PCGF5: variants seen among roughly 807,000 people sequenced by gnomAD.
PCGF5 encodes polycomb group RING finger protein 5.
In PCGF5, 9 loss-of-function variants were observed where a neutral mutation model predicts 44.3. The observed-to-expected ratio is 0.20, with a 90% CI of 0.12 to 0.35. The LOEUF (loss-of-function observed/expected upper bound fraction) is 0.35, where lower values mean the gene tolerates loss of function less well. Among genes scored for constraint, PCGF5 ranks in the 10% least tolerant of loss-of-function variants. The pLI is 1.00. For synonymous variants in PCGF5, 95 were observed against 102.5 expected, an observed-to-expected ratio of 0.93 and a Z score of 0.44; for missense variants, 146 against 305.3, an observed-to-expected ratio of 0.48 and a Z score of 3.89.
intron 1 of PCGF5, among the ~76,000 whole-genome samples, chr10:91,207,851 AT>A (rs1194699004): frequency 6.6e-6 from 1 of 152,210 alleles, no homozygotes; most frequent in African/African-American, 2.4e-5. Context: ...GTGATAATGT[AT>A]CCTCCTAAGA....
Position 91,284,266 on chromosome 10 carries a change from T to C in PCGF5, c.*5950T>C, listed in dbSNP as rs190667449. 5.8e-4 allele frequency: 88 copies of C among 152,712 alleles called. No individual in the cohort carries two copies. The highest frequency in any genetic ancestry group is 2.0e-3 in the African/African-American group (82 of 41,568). 9.5% of individuals were successfully genotyped at this position (152,712 alleles called of 1,614,324 possible). The stretch of plus-strand genomic sequence containing the variant: ...TTAAAAATTAAATTGCATAATTTAT[T>C]ATTGTTTGTCATCTTTAATATTAGT... On this transcript the variant is annotated 3_prime_UTR_variant, in exon 10 of 10. Coordinates refer to ENST00000336126, the MANE Select transcript of PCGF5 (RefSeq NM_032373.5).
upstream of PCGF5, among the ~76,000 whole-genome samples, chr10:91,219,096 A>C (rs138751698): frequency 3.6e-3 from 555 of 152,342 alleles, 2 homozygotes; most frequent in African/African-American, 0.012. Context: ...CTCTCCAGAC[A>C]CAAAGCACAG....
chr10:91,232,052 T>G (rs1281650228), intron 2 of PCGF5, among the ~76,000 whole-genome samples: 1 of 152,196 alleles, frequency 6.6e-6, no homozygotes, highest in Non-Finnish European at 1.5e-5. Context: ...GACCAAGGAC[T>G]GAGCCCTGAG....
intron 1 of PCGF5, among the ~76,000 whole-genome samples, chr10:91,196,702 G>A (rs944260288): frequency 6.6e-6 from 1 of 152,028 alleles, no homozygotes; most frequent in Non-Finnish European, 1.5e-5. Flanking sequence ...ATTTCTTGTT[G>A]GTCCCCCTCA....
chr10:91,269,711 A>G (rs926578490), intron 8 of PCGF5, among the ~76,000 whole-genome samples: 4 of 152,188 alleles, frequency 2.6e-5, no homozygotes, highest in African/African-American at 7.2e-5. Flanking sequence ...GAAATTTATA[A>G]TCATACCAAT....
chr10:91,209,076 A>G (rs532433184), intron 1 of PCGF5, among the ~76,000 whole-genome samples: 1 of 152,310 alleles, frequency 6.6e-6, no homozygotes, highest in African/African-American at 2.4e-5. Flanking sequence ...TTACTGTTAC[A>G]TTCAATTCAT....
At chr10:91,179,760 T>G (rs1362519951) in intron 1 of PCGF5, among the ~76,000 whole-genome samples, 1 of 152,220 alleles carries the variant, frequency 6.6e-6, no homozygotes, top group East Asian at 1.9e-4. Flanking sequence ...TGATGGGCAT[T>G]TAGTTTGATT....
chr10:91,279,974 TGA>T lies in PCGF5; in HGVS notation c.*1660_*1661del. Reference sequence around the variant, plus strand: ...ATTATCTGTTCCTTCTATCTTTTTTTGAGTCAAAAAGTCTATTAAATTTTTCT... The same window carrying T: ...ATTATCTGTTCCTTCTATCTTTTTTTGTCAAAAAGTCTATTAAATTTTTCT... On this transcript the variant is annotated 3_prime_UTR_variant, in exon 10 of 10. Coordinates refer to ENST00000336126, the MANE Select transcript of PCGF5 (RefSeq NM_032373.5). 6.6e-6 allele frequency: 1 copy of T among 152,078 alleles called. No individual in the cohort carries two copies. 9.4% of individuals were successfully genotyped at this position (152,078 alleles called of 1,614,324 possible).
chr10:91,255,602 C>T (rs1026032617), intron 6 of PCGF5, among the ~76,000 whole-genome samples: 4 of 152,084 alleles, frequency 2.6e-5, no homozygotes, highest in Non-Finnish European at 4.4e-5. Flanking sequence ...TATTAGCTGA[C>T]CTCTAGGCAG....
chr10:91,171,520 A>G (rs141865792), intron 1 of PCGF5, among the ~76,000 whole-genome samples: 1 of 152,306 alleles, frequency 6.6e-6, no homozygotes, highest in East Asian at 1.9e-4. Flanking sequence ...AGCAATGCTC[A>G]GAAAATTGGA....
At chr10:91,186,487 T>C (rs1589357894) in intron 1 of PCGF5, among the ~76,000 whole-genome samples, 1 of 152,168 alleles carries the variant, frequency 6.6e-6, no homozygotes, top group Non-Finnish European at 1.5e-5. Context: ...ATTGTGTAGA[T>C]GAAATAAATA....
At chr10:91,269,204 T>A (rs1846118516) in intron 8 of PCGF5, among the ~76,000 whole-genome samples, 1 of 152,232 alleles carries the variant, frequency 6.6e-6, no homozygotes, top group African/African-American at 2.4e-5. Context: ...CTGTGACTAC[T>A]GACTTTCCCT....
chr10:91,184,122 G>A (rs1219856404), intron 1 of PCGF5, among the ~76,000 whole-genome samples: 1 of 152,070 alleles, frequency 6.6e-6, no homozygotes, highest in Admixed American at 6.6e-5. Context: ...GCTAGGTTGG[G>A]TACATTCTCA....
chr10:91,168,860 G>A (rs111753906), intron 1 of PCGF5, among the ~76,000 whole-genome samples: 47 of 150,764 alleles, frequency 3.1e-4, no homozygotes, highest in African/African-American at 1.1e-3. Context: ...TCTGGGAGGC[G>A]GAGGTTGCAG....
At chr10:91,186,580 G>A (rs200063700) in intron 1 of PCGF5, among the ~76,000 whole-genome samples, 9 of 83,910 alleles carry the variant, frequency 1.1e-4, no homozygotes, top group East Asian at 8.2e-4. Flanking sequence ...GTATATATAT[G>A]TGTGTGTATA....
chr10:91,160,057 G>A (rs1235159401), upstream of PCGF5, among the ~76,000 whole-genome samples: 1 of 152,160 alleles, frequency 6.6e-6, no homozygotes, highest in Admixed American at 6.5e-5. Context: ...CTGAAGACAA[G>A]TTTCTGAAAT....
intron 3 of PCGF5, 22 bp downstream of exon 3, chr10:91,240,602 G>A (rs1253602270): frequency 6.7e-7 from 1 of 1,495,348 alleles, no homozygotes; most frequent in Admixed American, 1.8e-5. Context: ...ATATTTTACA[G>A]TTCATCTAAT....
At chr10:91,184,533 A>G (rs1843883005) in intron 1 of PCGF5, among the ~76,000 whole-genome samples, 1 of 152,168 alleles carries the variant, frequency 6.6e-6, no homozygotes, top group Non-Finnish European at 1.5e-5. Context: ...GGTTTTATCC[A>G]TATTCTGAAT....
chr10:91,263,523 T>A (rs1015287479), intron 7 of PCGF5, among the ~76,000 whole-genome samples: 6 of 152,176 alleles, frequency 3.9e-5, no homozygotes, highest in Admixed American at 1.3e-4. Context: ...TAAAACTCAT[T>A]CTTCTTCCCC....
Sources: gnomAD v4.1 joint callset for allele counts (sites outside exome capture counted in the v4.1 genomes callset) on GRCh38, gnomAD v4.1.1 for gene constraint, MANE v1.5 for transcripts, NCBI Gene and HGNC (gene_info 2026-07-23, HGNC 2026-07-21) for gene names.